Variants in KCNQ3 observed in about 807,000 individuals in gnomAD.
KCNQ3 encodes potassium voltage-gated channel subfamily KQT member 3.
Under a neutral mutation model 92.5 loss-of-function variants are expected in KCNQ3, and 30 were observed. That is an observed-to-expected ratio of 0.32 (90% CI 0.24 to 0.44). KCNQ3 has a LOEUF of 0.44. Ranked by LOEUF, KCNQ3 falls within the 20% of genes least tolerant of loss-of-function variation. The pLI is 1.00. For missense variants in KCNQ3, 913 were observed against 1,140.3 expected (o/e 0.80, Z 2.87); for synonymous variants, 450 against 468.8 (o/e 0.96, Z 0.52).
intron 1 of KCNQ3, among the ~76,000 whole-genome samples, chr8:132,187,916 T>C (rs866124436): frequency 7.1e-6 from 1 of 140,762 alleles, no homozygotes; most frequent in Non-Finnish European, 1.6e-5. Flanking sequence ...GTGGTGGTGG[T>C]GTTGGTGGTG....
chr8:132,380,494 AGC>A (rs1819718317), intron 1 of KCNQ3, among the ~76,000 whole-genome samples: 1 of 152,118 alleles, frequency 6.6e-6, no homozygotes, highest in Non-Finnish European at 1.5e-5. Context: ...GAGACTAAGA[AGC>A]CTGCCTTGCC....
At chr8:132,235,402 T>C (rs909826440) in intron 1 of KCNQ3, among the ~76,000 whole-genome samples, 9 of 151,952 alleles carry the variant, frequency 5.9e-5, no homozygotes, top group East Asian at 1.9e-4. Context: ...ACTTAGGAGG[T>C]TGAGGCAAGA....
intron 1 of KCNQ3, among the ~76,000 whole-genome samples, chr8:132,449,832 C>T (rs1025809384): frequency 1.3e-5 from 2 of 152,172 alleles, no homozygotes; most frequent in Non-Finnish European, 2.9e-5. Flanking sequence ...TTAAGAACCA[C>T]TGAGGCCTTA....
At chr8:132,380,834 C>T (rs1182761963) in intron 1 of KCNQ3, among the ~76,000 whole-genome samples, 1 of 151,614 alleles carries the variant, frequency 6.6e-6, no homozygotes, top group Non-Finnish European at 1.5e-5. Context: ...GCAGACCTCC[C>T]AGCCCCAGAG....
chr8:132,167,915 G>A (rs986431593), intron 8 of KCNQ3, among the ~76,000 whole-genome samples: 9 of 152,140 alleles, frequency 5.9e-5, no homozygotes, highest in Admixed American at 3.9e-4. Flanking sequence ...TCTCTTAAGG[G>A]GAAGTCATCT....
At chr8:132,318,777 A>G (rs896379428) in intron 1 of KCNQ3, among the ~76,000 whole-genome samples, 2 of 152,100 alleles carry the variant, frequency 1.3e-5, no homozygotes, top group African/African-American at 4.8e-5. Flanking sequence ...CTGAGTGCCA[A>G]CTCTATGGGA....
At chr8:132,152,466 T>C (rs376397403) in intron 9 of KCNQ3, among the ~76,000 whole-genome samples, 3 of 152,214 alleles carry the variant, frequency 2.0e-5, no homozygotes, top group African/African-American at 7.2e-5. Flanking sequence ...GAGTATTCTC[T>C]ACTCATGGCA....
At chr8:132,306,172 C>G (rs757278919) in intron 1 of KCNQ3, among the ~76,000 whole-genome samples, 7 of 152,156 alleles carry the variant, frequency 4.6e-5, no homozygotes, top group Non-Finnish European at 1.0e-4. Context: ...GGACTGAACT[C>G]AAACGTGGGC....
intron 1 of KCNQ3, among the ~76,000 whole-genome samples, chr8:132,262,488 C>T (rs1359796709): frequency 1.3e-5 from 2 of 152,056 alleles, no homozygotes; most frequent in Non-Finnish European, 2.9e-5. Context: ...TCAGGGAGGG[C>T]TTTAATAAGC....
At chr8:132,347,687 A>G (rs1331605307) in intron 1 of KCNQ3, among the ~76,000 whole-genome samples, 2 of 152,224 alleles carry the variant, frequency 1.3e-5, no homozygotes, top group Non-Finnish European at 2.9e-5. Flanking sequence ...AGGTAAAAAG[A>G]GGAAAACCGG....
chr8:132,448,478 C>G (rs1821739178), intron 1 of KCNQ3, among the ~76,000 whole-genome samples: 1 of 116,970 alleles, frequency 8.5e-6, no homozygotes, highest in Admixed American at 1.1e-4. Flanking sequence ...AAGCTGAGCT[C>G]TAAGGGGGAA....
At chr8:132,151,259 C>G (rs565511832) in intron 9 of KCNQ3, among the ~76,000 whole-genome samples, 1 of 152,140 alleles carries the variant, frequency 6.6e-6, no homozygotes, top group Non-Finnish European at 1.5e-5. Context: ...TAAAAAATTG[C>G]TAACTGTTAC....
intron 1 of KCNQ3, among the ~76,000 whole-genome samples, chr8:132,370,778 A>T (rs934315895): frequency 2.6e-5 from 4 of 152,246 alleles, no homozygotes; most frequent in African/African-American, 9.6e-5. Context: ...TAATTGGTTA[A>T]TAACAACAGG....
intron 1 of KCNQ3, among the ~76,000 whole-genome samples, chr8:132,188,938 C>T (rs1827076510): frequency 6.6e-6 from 1 of 152,144 alleles, no homozygotes; most frequent in South Asian, 2.1e-4. Flanking sequence ...AGTCTGGACC[C>T]CTAGGCCTCA....
At chr8:132,170,629 A>C (rs529848623) in intron 7 of KCNQ3, among the ~76,000 whole-genome samples, 52 of 152,248 alleles carry the variant, frequency 3.4e-4, no homozygotes, top group African/African-American at 1.2e-3. Flanking sequence ...TCTTGGAGCT[A>C]TAATTGGTGT....
At chr8:132,229,064 G>A (rs998012578) in intron 1 of KCNQ3, among the ~76,000 whole-genome samples, 2 of 152,110 alleles carry the variant, frequency 1.3e-5, no homozygotes, top group Admixed American at 6.5e-5. Flanking sequence ...TACCATCCTG[G>A]CCAACATGGT....
At chr8:132,357,730 T>C (rs111241297) in intron 1 of KCNQ3, among the ~76,000 whole-genome samples, 3,086 of 152,290 alleles carry the variant, frequency 0.02, 38 homozygotes, top group Non-Finnish European at 0.027. Flanking sequence ...GAGACTGTCT[T>C]CCTTGCTCAA....
At chr8:132,420,421 TG>T in intron 1 of KCNQ3, among the ~76,000 whole-genome samples, 1 of 152,296 alleles carries the variant, frequency 6.6e-6, no homozygotes, top group Non-Finnish European at 1.5e-5. Flanking sequence ...ATCCACCTTC[TG>T]GGCTGCCACA....
intron 1 of KCNQ3, among the ~76,000 whole-genome samples, chr8:132,226,863 T>G (rs1239101810): frequency 6.6e-6 from 1 of 152,090 alleles, no homozygotes; most frequent in Non-Finnish European, 1.5e-5. Context: ...GAAATGACAC[T>G]CATATAAAGG....
Sources: allele counts gnomAD v4.1 joint callset (sites outside exome capture counted in the v4.1 genomes callset), GRCh38; gene constraint gnomAD v4.1.1; transcripts MANE v1.5; gene names NCBI Gene and HGNC (gene_info 2026-07-23, HGNC 2026-07-21).